The following COL19A1 variants were observed in gnomAD, a reference collection of about 807,000 sequenced individuals.
COL19A1 encodes the protein collagen type XIX alpha 1 chain.
In COL19A1, 159 loss-of-function variants were observed where a neutral mutation model predicts 190.2. The observed-to-expected ratio is 0.84, with a 90% CI of 0.73 to 0.95. COL19A1 has a LOEUF of 0.95. Ranked by LOEUF, COL19A1 falls within the 40% of genes least tolerant of loss-of-function variation. The probability of loss-of-function intolerance (pLI) is 0.00; values close to 1 mark genes in which losing one functional copy is unlikely to be tolerated. For synonymous variants in COL19A1, 509 were observed against 458.9 expected (o/e 1.11, Z -1.39); for missense variants, 1,418 against 1,431.9 (o/e 0.99, Z 0.16).
chr6:70,195,136 G>GATATATATATATATATAT (rs202055762), intron 48 of COL19A1, among the ~76,000 whole-genome samples: 41 of 135,998 alleles, frequency 3.0e-4, no homozygotes, highest in African/African-American at 8.8e-4. Flanking sequence ...CATCATTGAT[G>GATATATATATATATATAT]ATATATATAT....
chr6:69,927,250 C>G (rs1772460276), intron 4 of COL19A1, among the ~76,000 whole-genome samples: 2 of 152,014 alleles, frequency 1.3e-5, no homozygotes, highest in Admixed American at 1.3e-4. Flanking sequence ...CTTTTATTTT[C>G]TTATCAGATT....
intron 9 of COL19A1, among the ~76,000 whole-genome samples, chr6:69,951,121 A>G (rs978346132): frequency 2.0e-5 from 3 of 151,908 alleles, no homozygotes; most frequent in Non-Finnish European, 2.9e-5. Flanking sequence ...TGGAGTAAGT[A>G]TGAAGTAAAT....
chr6:69,991,724 T>G (rs538723245), intron 11 of COL19A1, among the ~76,000 whole-genome samples: 1 of 152,228 alleles, frequency 6.6e-6, no homozygotes, highest in African/African-American at 2.4e-5. Context: ...TTGCCCATTT[T>G]TTAATGGGGT....
intron 1 of COL19A1, among the ~76,000 whole-genome samples, chr6:69,879,292 C>G (rs1010167842): frequency 3.3e-5 from 5 of 152,088 alleles, no homozygotes; most frequent in Non-Finnish European, 7.4e-5. Context: ...GAAAATTTAA[C>G]TGATAAGAAG....
intron 41 of COL19A1, among the ~76,000 whole-genome samples, chr6:70,175,664 A>C (rs536737654): frequency 3.9e-5 from 6 of 152,148 alleles, no homozygotes; most frequent in African/African-American, 1.4e-4. Context: ...TGGTATTACT[A>C]GTATCTCTTT....
At chr6:70,052,479 A>G (rs1780259954) in intron 14 of COL19A1, among the ~76,000 whole-genome samples, 1 of 152,218 alleles carries the variant, frequency 6.6e-6, no homozygotes, top group Admixed American at 6.5e-5. Flanking sequence ...GGCTAACTAT[A>G]CCGCTGACTC....
At chr6:69,971,541 C>T (rs774505597) in intron 11 of COL19A1, among the ~76,000 whole-genome samples, 7 of 152,148 alleles carry the variant, frequency 4.6e-5, no homozygotes, top group Non-Finnish European at 8.8e-5. Flanking sequence ...CCAAAGCCAT[C>T]ATAAGGTCCT....
intron 41 of COL19A1, 51 bp downstream of exon 41, chr6:70,172,068 T>A: frequency 3.8e-6 from 6 of 1,567,362 alleles, no homozygotes; most frequent in Non-Finnish European, 5.2e-6. Context: ...TCAAAATTGT[T>A]TACTGAGCAC....
At chr6:69,954,219 C>T (rs1774283802) in intron 9 of COL19A1, among the ~76,000 whole-genome samples, 1 of 152,050 alleles carries the variant, frequency 6.6e-6, no homozygotes. Flanking sequence ...CTTATCCACT[C>T]AGCTCACATA....
intron 31 of COL19A1, among the ~76,000 whole-genome samples, chr6:70,155,760 T>C (rs1372953368): frequency 6.6e-6 from 1 of 152,178 alleles, no homozygotes; most frequent in African/African-American, 2.4e-5. Context: ...TGCTGGGTTT[T>C]CTAAACTTTA....
intron 16 of COL19A1, among the ~76,000 whole-genome samples, chr6:70,115,825 G>T (rs201623069): frequency 3.6e-3 from 424 of 116,960 alleles, no homozygotes; most frequent in African/African-American, 6.6e-3. Context: ...TTGGTGTTTT[G>T]TTTTTTTTTT....
chr6:69,976,941 A>G, intron 11 of COL19A1, among the ~76,000 whole-genome samples: 1 of 152,178 alleles, frequency 6.6e-6, no homozygotes, highest in East Asian at 1.9e-4. Context: ...TCCTCTTACT[A>G]GAAGACCCAT....
chr6:70,175,867 T>TA (rs1765769062), intron 41 of COL19A1, among the ~76,000 whole-genome samples: 1 of 152,180 alleles, frequency 6.6e-6, no homozygotes, highest in Admixed American at 6.5e-5. Context: ...ATCAAGCCTT[T>TA]TATGTCCCTG....
At chr6:70,030,151 C>T (rs1288775109) in intron 12 of COL19A1, among the ~76,000 whole-genome samples, 2 of 152,126 alleles carry the variant, frequency 1.3e-5, no homozygotes, top group Non-Finnish European at 2.9e-5. Context: ...TCAATATTCA[C>T]ATCAGCTTGT....
chr6:70,155,069 C>G (rs957275962), intron 31 of COL19A1, among the ~76,000 whole-genome samples: 1 of 152,116 alleles, frequency 6.6e-6, no homozygotes, highest in Non-Finnish European at 1.5e-5. Flanking sequence ...TCAGTATTAA[C>G]CATCACACCT....
chr6:69,896,980 T>A (rs1769820996), intron 2 of COL19A1, among the ~76,000 whole-genome samples: 1 of 152,214 alleles, frequency 6.6e-6, no homozygotes, highest in African/African-American at 2.4e-5. Context: ...GTAAAGATGT[T>A]AATTTTAATG....
chr6:69,993,704 A>G (rs1466406868), intron 11 of COL19A1, among the ~76,000 whole-genome samples: 1 of 151,856 alleles, frequency 6.6e-6, no homozygotes, highest in African/African-American at 2.4e-5. Flanking sequence ...TGTTTCTAGG[A>G]GTTTACCTAT....
In COL19A1 at chr6:70,188,222, T is replaced by C; in HGVS notation, c.3004T>C (p.Ser1002Pro). ...CCCTGGCCACCAAGGCCCTCCAGGC[T>C]CTCCAGGCATCCCTGGCATTCCGGT... ...GSPGHQGPPG[S>P]PGIPGIPADA... Residue 1002 changes from serine to proline, a missense_variant, in exon 47 of 51, where the codon TCT (serine) becomes CCT (proline). Physicochemically the swap from Ser to Pro is moderately conservative, Grantham distance 74. Coordinates refer to ENST00000620364, the MANE Select transcript of COL19A1 (RefSeq NM_001858.6). 1 of 1,609,950 alleles carries C rather than the reference T, an allele frequency of 6.2e-7. No homozygotes were observed. Among genetic ancestry groups the C allele is most frequent in the African/African-American group, 1.3e-5 (1 of 74,790 alleles).
At chr6:69,967,104 G>T (rs971725221) in intron 11 of COL19A1, among the ~76,000 whole-genome samples, 6 of 152,162 alleles carry the variant, frequency 3.9e-5, no homozygotes, top group African/African-American at 1.4e-4. Context: ...AGAACCTATT[G>T]CTAAATATCA....
Sources: allele counts gnomAD v4.1 joint callset (sites outside exome capture counted in the v4.1 genomes callset), GRCh38; gene constraint gnomAD v4.1.1; transcripts MANE v1.5; gene names NCBI Gene and HGNC (gene_info 2026-07-23, HGNC 2026-07-21).